The following CRKL variants were observed in gnomAD, a reference collection of about 807,000 sequenced individuals.
CRKL encodes the protein crk-like protein.
Under a neutral mutation model 23.0 loss-of-function variants are expected in CRKL, and 3 were observed. The observed-to-expected ratio is 0.13, with a 90% CI of 0.06 to 0.34. CRKL has a LOEUF of 0.34. Ranked by LOEUF, CRKL falls within the 10% of genes least tolerant of loss-of-function variation. The pLI is 1.00. For missense variants in CRKL, 256 were observed against 394.5 expected, an observed-to-expected ratio of 0.65 and a Z score of 2.97; for synonymous variants, 188 against 160.7, an observed-to-expected ratio of 1.17 and a Z score of -1.28.
rs1015403004 is a variant in CRKL at position 20,917,821 on chromosome 22, C to G, written c.-114C>G. On this transcript the variant is annotated 5_prime_UTR_variant, in exon 1 of 3. Coordinates refer to ENST00000354336, the MANE Select transcript of CRKL (RefSeq NM_005207.4). ...CTGGCCCAGCCCTCTGAGCGCTCCT[C>G]GAGGTGTGCGAGAGGCCCTTCCTCG... 9.7e-7 allele frequency: 1 copy of G among 1,026,154 alleles called. No homozygotes were observed. The highest frequency in any genetic ancestry group is 1.4e-6 in the Non-Finnish European group (1 of 715,064). 63.6% of individuals were successfully genotyped at this position (1,026,154 alleles called of 1,614,324 possible).
At chr22:20,942,563 TCA>T (rs755222282) in intron 2 of CRKL, among the ~76,000 whole-genome samples, 16 of 152,240 alleles carry the variant, frequency 1.1e-4, no homozygotes, top group Non-Finnish European at 1.2e-4. Flanking sequence ...GTCCTTGCTT[TCA>T]GTTATTTTGG....
chr22:20,921,795 G>A (rs1288058028), intron 1 of CRKL, among the ~76,000 whole-genome samples: 2 of 150,386 alleles, frequency 1.3e-5, no homozygotes, highest in Non-Finnish European at 3.0e-5. Flanking sequence ...TGCAAGCTCC[G>A]CCTCCTGGGT....
chr22:20,919,793 G>A (rs1211341097), intron 1 of CRKL, among the ~76,000 whole-genome samples: 1 of 151,884 alleles, frequency 6.6e-6, no homozygotes, highest in East Asian at 1.9e-4. Flanking sequence ...AACATTAAAA[G>A]CTATTATAAT....
chr22:20,937,026 GT>G (rs1921686559), intron 2 of CRKL, among the ~76,000 whole-genome samples: 1 of 151,952 alleles, frequency 6.6e-6, no homozygotes, highest in Non-Finnish European at 1.5e-5. Flanking sequence ...ATACCCAACT[GT>G]TTTTAGTAGA....
chr22:20,921,271 CCTA>C (rs1301584573), intron 1 of CRKL, among the ~76,000 whole-genome samples: 3 of 152,170 alleles, frequency 2.0e-5, no homozygotes, highest in Non-Finnish European at 4.4e-5. Context: ...ACAATAATGT[CCTA>C]CTCGAAATTT....
At chr22:20,941,599 T>A (rs1465781867) in intron 2 of CRKL, among the ~76,000 whole-genome samples, 4 of 94,106 alleles carry the variant, frequency 4.3e-5, no homozygotes, top group South Asian at 4.3e-4. Context: ...TTTTTTTTTT[T>A]TTTTTTTTTT....
rs2147905312 is a variant in CRKL, at chr22:20,934,034, G to A, written c.567G>A (p.Lys189=). 6.2e-7 allele frequency: 1 copy of A among 1,614,194 alleles called. No individual in the cohort carries two copies. The highest frequency in any genetic ancestry group is 8.5e-7 in the Non-Finnish European group (1 of 1,180,034). ...TTGTGAGATCCTCACCACACGGAAAGCATGGAAATAGGAATTCCAACAGTT... is the reference window on the plus strand; with the variant it reads ...TTGTGAGATCCTCACCACACGGAAAACATGGAAATAGGAATTCCAACAGTT... ...EKLVRSSPHG[K]HGNRNSNSYG... The change falls in exon 2 of 3, where the codon AAG becomes AAA. Residue 189 remains lysine (K), a synonymous_variant. Transcript: ENST00000354336.
intron 1 of CRKL, among the ~76,000 whole-genome samples, chr22:20,927,351 C>T (rs552924329): frequency 1.3e-4 from 20 of 148,982 alleles, no homozygotes; most frequent in Middle Eastern, 3.4e-3. Flanking sequence ...CCACCATGCC[C>T]GGCTAATTTT....
intron 1 of CRKL, among the ~76,000 whole-genome samples, chr22:20,925,048 C>T (rs1390534215): frequency 2.6e-5 from 4 of 151,872 alleles, no homozygotes; most frequent in Non-Finnish European, 5.9e-5. Context: ...ACTAGCTGGG[C>T]GTGGTGGCAT....
chr22:20,925,211 G>C (rs1308260351), intron 1 of CRKL, among the ~76,000 whole-genome samples: 1 of 140,756 alleles, frequency 7.1e-6, no homozygotes, highest in African/African-American at 2.6e-5. Context: ...AAAAAGAGTT[G>C]TGTTCCCATG....
chr22:20,948,484 G>A (rs1486532538), intron 2 of CRKL, among the ~76,000 whole-genome samples: 1 of 152,136 alleles, frequency 6.6e-6, no homozygotes, highest in East Asian at 1.9e-4. Context: ...CTCTACTCAA[G>A]TAACAATCAT....
rs941489380 is a variant in CRKL at position 20,953,327 on chromosome 22, C to G, written c.*3482C>G. On this transcript the variant is annotated 3_prime_UTR_variant, in exon 3 of 3. Coordinates refer to ENST00000354336, the MANE Select transcript of CRKL (RefSeq NM_005207.4). ...GTGGACGCTGTGCTGGTTCTGTTTT[C>G]TAAAGGAGCAGAAGGACAGGTCTCT... The G allele has an allele frequency of 1.6e-4, 37 of 230,776 alleles. No individual in the cohort carries two copies. The highest frequency in any genetic ancestry group is 2.9e-4 in the Non-Finnish European group (34 of 116,444). 14.3% of individuals were successfully genotyped at this position (230,776 alleles called of 1,614,324 possible). A position where few individuals can be genotyped will look rare whatever the true frequency, so the allele number is the denominator to read the frequency against.
chr22:20,933,482 C>G (rs1268739378), intron 1 of CRKL, among the ~76,000 whole-genome samples: 2 of 151,936 alleles, frequency 1.3e-5, no homozygotes, highest in African/African-American at 4.8e-5. Flanking sequence ...GCCTGGCCAA[C>G]ATGGTGAAAC....
rs373290569 is a variant in CRKL, at chr22:20,943,275, G to A, written c.778-6436G>A. Among the ~76,000 whole-genome samples the A allele has an allele frequency of 9.5e-4, 145 of 151,964 alleles. 1 individual carries two copies. Among genetic ancestry groups the A allele is most frequent in the African/African-American group, 3.1e-3 (128 of 41,448 alleles). On this transcript the variant is annotated intron_variant, in intron 2 of 2. Transcript: ENST00000354336. Reference sequence around the variant, plus strand: ...TTTTGAGACAGAGTCTCACTCTGTCGCCCTGGCTGGAGTACAATGGCACTC... The same window carrying A: ...TTTTGAGACAGAGTCTCACTCTGTCACCCTGGCTGGAGTACAATGGCACTC...
chr22:20,946,514 A>T (rs1922058980), intron 2 of CRKL, among the ~76,000 whole-genome samples: 1 of 152,082 alleles, frequency 6.6e-6, no homozygotes, highest in Admixed American at 6.6e-5. Flanking sequence ...ATAGAGTGAA[A>T]ATTAATAAGG....
chr22:20,948,338 G>A (rs755946270), intron 2 of CRKL, among the ~76,000 whole-genome samples: 4 of 151,988 alleles, frequency 2.6e-5, no homozygotes, highest in Admixed American at 6.6e-5. Flanking sequence ...ACCCTTGTTG[G>A]TGACAAGGTT....
intron 2 of CRKL, among the ~76,000 whole-genome samples, chr22:20,938,493 AGAC>A (rs536174007): frequency 1.9e-4 from 29 of 152,288 alleles, no homozygotes; most frequent in African/African-American, 7.0e-4. Context: ...AAGTGGCAAA[AGAC>A]AGCCAGGGCA....
chr22:20,945,481 C>A (rs1922026543), intron 2 of CRKL, among the ~76,000 whole-genome samples: 1 of 152,142 alleles, frequency 6.6e-6, no homozygotes, highest in African/African-American at 2.4e-5. Flanking sequence ...ATACCTTTAG[C>A]CCCGCCCCCT....
intron 2 of CRKL, among the ~76,000 whole-genome samples, chr22:20,943,310 A>G (rs1908227312): frequency 6.6e-6 from 1 of 151,850 alleles, no homozygotes; most frequent in South Asian, 2.1e-4. Flanking sequence ...CACGATCTCG[A>G]CTCACTGCAA....
Sources: gnomAD v4.1 joint callset for allele counts (sites outside exome capture counted in the v4.1 genomes callset) on GRCh38, gnomAD v4.1.1 for gene constraint, MANE v1.5 for transcripts, NCBI Gene and HGNC (gene_info 2026-07-23, HGNC 2026-07-21) for gene names.